CALN1: variants seen among roughly 807,000 people sequenced by gnomAD.
The protein encoded by CALN1 is calneuron 1, also known as calcium-binding protein 8.
CALN1 carries 17 observed loss-of-function variants against 30.6 expected under a neutral mutation model. That is an observed-to-expected ratio of 0.56 (90% CI 0.38 to 0.83). The LOEUF (loss-of-function observed/expected upper bound fraction) is 0.83. Among genes scored for constraint, CALN1 ranks in the 40% least tolerant of loss-of-function variants. The pLI, the probability that CALN1 is intolerant of heterozygous loss-of-function variation, is 0.00. For synonymous variants in CALN1, 156 were observed against 131.4 expected (o/e 1.19, Z -1.28); for missense variants, 291 against 354.9 (o/e 0.82, Z 1.45).
chr7:72,055,956 G>T (rs1035015891), intron 4 of CALN1, among the ~76,000 whole-genome samples: 1 of 152,208 alleles, frequency 6.6e-6, no homozygotes, highest in African/African-American at 2.4e-5. Flanking sequence ...AGCAGCTGAG[G>T]CTGCAGTGAG....
At chr7:71,861,578 C>T (rs1302493848) in intron 5 of CALN1, among the ~76,000 whole-genome samples, 1 of 151,520 alleles carries the variant, frequency 6.6e-6, no homozygotes, top group African/African-American at 2.4e-5. Flanking sequence ...GAATTCAAGA[C>T]CAACATGGTA....
intron 4 of CALN1, among the ~76,000 whole-genome samples, chr7:72,083,656 C>A (rs1235277309): frequency 2.6e-5 from 4 of 152,162 alleles, no homozygotes; most frequent in Non-Finnish European, 5.9e-5. Flanking sequence ...CACAGTGGCT[C>A]ACACCTGTAA....
At chr7:72,282,277 C>G (rs1324570478) in intron 2 of CALN1, among the ~76,000 whole-genome samples, 2 of 152,064 alleles carry the variant, frequency 1.3e-5, no homozygotes, top group Admixed American at 6.6e-5. Flanking sequence ...GAGCAACAAA[C>G]AAAAATAAAT....
At chr7:71,863,256 C>T (rs925572122) in intron 5 of CALN1, among the ~76,000 whole-genome samples, 1 of 151,296 alleles carries the variant, frequency 6.6e-6, no homozygotes, top group African/African-American at 2.4e-5. Flanking sequence ...GAGACCCTCT[C>T]TCTCTCTCTC....
intron 5 of CALN1, among the ~76,000 whole-genome samples, chr7:71,882,496 A>G (rs1278690182): frequency 6.6e-6 from 1 of 152,164 alleles, no homozygotes; most frequent in Non-Finnish European, 1.5e-5. Context: ...ACCTGCTTAA[A>G]TTAGCTCTAA....
At chr7:72,252,496 A>G (rs1461943021) in intron 3 of CALN1, among the ~76,000 whole-genome samples, 1 of 151,702 alleles carries the variant, frequency 6.6e-6, no homozygotes, top group Admixed American at 6.6e-5. Flanking sequence ...CCCAGCTACT[A>G]CTCAGGAGGC....
intron 3 of CALN1, among the ~76,000 whole-genome samples, chr7:72,108,929 C>T (rs1183869128): frequency 6.6e-6 from 1 of 152,182 alleles, no homozygotes; most frequent in African/African-American, 2.4e-5. Flanking sequence ...CTTTGCTCAC[C>T]ATAGCCAAGT....
chr7:72,211,127 G>C (rs1053121407), intron 3 of CALN1, among the ~76,000 whole-genome samples: 1 of 152,072 alleles, frequency 6.6e-6, no homozygotes, highest in Non-Finnish European at 1.5e-5. Context: ...CAAAGGGTTC[G>C]TATTGCCAAC....
At chr7:71,918,038 T>G (rs987100193) in intron 5 of CALN1, among the ~76,000 whole-genome samples, 3 of 152,204 alleles carry the variant, frequency 2.0e-5, no homozygotes, top group Non-Finnish European at 4.4e-5. Context: ...CTTATTTTCC[T>G]CCAGTTTCCT....
At chr7:72,193,435 T>A (rs1790767378) in intron 3 of CALN1, among the ~76,000 whole-genome samples, 1 of 152,156 alleles carries the variant, frequency 6.6e-6, no homozygotes, top group African/African-American at 2.4e-5. Context: ...AGGGAACCCA[T>A]CAGGTCCAGA....
intron 3 of CALN1, among the ~76,000 whole-genome samples, chr7:72,223,291 TTAAAG>T (rs1793437092): frequency 6.6e-6 from 1 of 152,066 alleles, no homozygotes; most frequent in Non-Finnish European, 1.5e-5. Flanking sequence ...CCCAGGAGAA[TTAAAG>T]TCTGAAGGAA....
At chr7:71,971,953 A>AAAAAAAAAGAAAGAAAG (rs1797839188) in intron 5 of CALN1, among the ~76,000 whole-genome samples, 3 of 72,826 alleles carry the variant, frequency 4.1e-5, no homozygotes, top group Non-Finnish European at 6.7e-5. Flanking sequence ...AAAAAAAAAA[A>AAAAAAAAAGAAAGAAAG]AAAGAAAGAA....
chr7:72,407,827 T>C (rs991338233), intron 1 of CALN1, among the ~76,000 whole-genome samples: 8 of 152,142 alleles, frequency 5.3e-5, no homozygotes, highest in African/African-American at 1.9e-4. Context: ...GGAGGTGGGA[T>C]GTGTGGAAAT....
chr7:72,273,452 G>A (rs1161060277), intron 3 of CALN1, among the ~76,000 whole-genome samples: 8 of 148,864 alleles, frequency 5.4e-5, no homozygotes, highest in South Asian at 2.1e-4. Context: ...GGGCGGGGGC[G>A]GTGGGGAATA....
At chr7:71,981,311 C>A (rs1277084865) in intron 5 of CALN1, among the ~76,000 whole-genome samples, 2 of 152,008 alleles carry the variant, frequency 1.3e-5, no homozygotes, top group Non-Finnish European at 2.9e-5. Flanking sequence ...GGTCTTAAGA[C>A]CCTTTCCAGA....
chr7:71,867,441 A>G (rs1791653145), intron 5 of CALN1, among the ~76,000 whole-genome samples: 1 of 150,386 alleles, frequency 6.6e-6, no homozygotes, highest in Non-Finnish European at 1.5e-5. Context: ...TTATTTATTT[A>G]TTTATTTATT....
chr7:72,449,391 T>C (rs1562973112), upstream of CALN1, among the ~76,000 whole-genome samples: 1 of 152,152 alleles, frequency 6.6e-6, no homozygotes, highest in Non-Finnish European at 1.5e-5. Context: ...TCCTAGCCAC[T>C]TCTCTAAGAA....
At chr7:72,131,125 C>A (rs370804428) in intron 3 of CALN1, among the ~76,000 whole-genome samples, 5 of 152,010 alleles carry the variant, frequency 3.3e-5, no homozygotes, top group African/African-American at 9.7e-5. Context: ...CGTGAAGGGG[C>A]AGAGTGGAGA....
At chr7:72,020,143 T>C (rs1800622307) in intron 5 of CALN1, among the ~76,000 whole-genome samples, 3 of 152,180 alleles carry the variant, frequency 2.0e-5, no homozygotes, top group Admixed American at 2.0e-4. Context: ...CACTGCAGCC[T>C]CAAACTCCTG....
Sources: allele counts gnomAD v4.1 joint callset (sites outside exome capture counted in the v4.1 genomes callset), GRCh38; gene constraint gnomAD v4.1.1; transcripts MANE v1.5; gene names NCBI Gene and HGNC (gene_info 2026-07-23, HGNC 2026-07-21).